Variants in VPS13B observed in about 807,000 individuals in gnomAD.
The protein encoded by VPS13B is intermembrane lipid transfer protein VPS13B.
VPS13B carries 285 observed loss-of-function variants against 426.4 expected under a neutral mutation model. The ratio of observed to expected loss-of-function variants is 0.67; its 90% CI spans 0.61 to 0.74. The LOEUF is 0.74. Among genes scored for constraint, VPS13B ranks in the 30% least tolerant of loss-of-function variants. The pLI is 0.00. For synonymous variants in VPS13B, 1,676 were observed against 1,676.4 expected (o/e 1.00, Z 0.01); for missense variants, 4,537 against 4,782.6 (o/e 0.95, Z 1.51).
chr8:99,472,999 A>T (rs1819492714), intron 24 of VPS13B, among the ~76,000 whole-genome samples: 1 of 152,066 alleles, frequency 6.6e-6, no homozygotes, highest in Non-Finnish European at 1.5e-5. Flanking sequence ...TATATCTTTT[A>T]AGAAAATTGA....
chr8:99,077,180 T>A (rs1845172943), intron 3 of VPS13B, among the ~76,000 whole-genome samples: 1 of 127,614 alleles, frequency 7.8e-6, no homozygotes, highest in African/African-American at 3.5e-5. Flanking sequence ...TGTTCTTTCA[T>A]TTTTTTTTTT....
intron 43 of VPS13B, among the ~76,000 whole-genome samples, chr8:99,785,342 C>T (rs1812207111): frequency 6.6e-6 from 1 of 152,122 alleles, no homozygotes. Flanking sequence ...TCTAGACCAG[C>T]ATCAGAATAC....
intron 19 of VPS13B, among the ~76,000 whole-genome samples, chr8:99,343,214 C>T (rs1262227503): frequency 1.3e-5 from 2 of 152,076 alleles, no homozygotes; most frequent in Non-Finnish European, 2.9e-5. Flanking sequence ...CTGCCTCAGC[C>T]TCCTGAGTAG....
chr8:99,640,025 T>TAAGAAGAAGAAGAAGAAGAAGAAGAAG (rs1200705406), intron 33 of VPS13B, among the ~76,000 whole-genome samples: 1 of 104,332 alleles, frequency 9.6e-6, no homozygotes, highest in African/African-American at 3.7e-5. Context: ...ATAATAATAA[T>TAAGAAGAAGAAGAAGAAGAAGAAGAAG]AAGAAGAAGA....
At chr8:99,020,379 A>T (rs1841826319) in intron 2 of VPS13B, among the ~76,000 whole-genome samples, 1 of 152,174 alleles carries the variant, frequency 6.6e-6, no homozygotes, top group South Asian at 2.1e-4. Flanking sequence ...TGTATTGTGG[A>T]TATCAATCCC....
At chr8:99,433,368 G>T (rs1017592763) in intron 22 of VPS13B, among the ~76,000 whole-genome samples, 4 of 152,160 alleles carry the variant, frequency 2.6e-5, no homozygotes, top group African/African-American at 9.7e-5. Flanking sequence ...TTAGAAGTGG[G>T]TAGACAGTAA....
rs763287127 is a variant in VPS13B at position 99,868,304 on chromosome 8, T to C, written c.11231T>C (p.Ile3744Thr). 8.1e-6 allele frequency: 13 copies of C among 1,614,182 alleles called. No homozygotes were observed. Among genetic ancestry groups the C allele is most frequent in the African/African-American group, 1.3e-5 (1 of 75,038 alleles). ...GTTATTCCAGGTGCAATTGCTGGTA[T>C]AGTTGATCAGCCGATGCAGAACTTC... is the stretch of plus-strand genomic sequence containing the variant. ...GISLLGAIAG[I>T]VDQPMQNFQK... The change falls in exon 59 of 62, where the codon ATA becomes ACA. Residue 3744 changes from isoleucine (I) to threonine (T), a missense_variant. Physicochemically the swap from Ile to Thr is moderately conservative, Grantham distance 89. Coordinates refer to ENST00000357162, the MANE Select transcript of VPS13B (RefSeq NM_152564.5).
At chr8:99,088,126 G>A (rs1434146426) in intron 3 of VPS13B, among the ~76,000 whole-genome samples, 1 of 150,236 alleles carries the variant, frequency 6.7e-6, no homozygotes, top group East Asian at 2.0e-4. Context: ...AGAGGTTGCA[G>A]TGAGCCGAGA....
At chr8:99,114,096 C>T (rs540779246) in intron 6 of VPS13B, among the ~76,000 whole-genome samples, 2 of 151,610 alleles carry the variant, frequency 1.3e-5, no homozygotes, top group East Asian at 3.9e-4. Flanking sequence ...GAACTTTGAC[C>T]ACATTTCCTG....
intron 16 of VPS13B, among the ~76,000 whole-genome samples, chr8:99,190,843 T>A (rs116765290): frequency 0.022 from 3,276 of 151,974 alleles, 103 homozygotes; most frequent in African/African-American, 0.071. Context: ...CTTTTTTTTT[T>A]AAAAAATTCA....
intron 3 of VPS13B, among the ~76,000 whole-genome samples, chr8:99,090,763 T>G (rs539260557): frequency 6.6e-6 from 1 of 152,350 alleles, no homozygotes; most frequent in East Asian, 1.9e-4. Context: ...AAAGTGCAGT[T>G]AAATTAATCT....
At chr8:99,471,482 C>G (rs1190930698) in intron 24 of VPS13B, among the ~76,000 whole-genome samples, 1 of 151,890 alleles carries the variant, frequency 6.6e-6, no homozygotes, top group Non-Finnish European at 1.5e-5. Context: ...GTTTTACTCT[C>G]TTAGGACAAC....
At chr8:99,755,842 C>T (rs1299806213) in intron 39 of VPS13B, among the ~76,000 whole-genome samples, 1 of 151,594 alleles carries the variant, frequency 6.6e-6, no homozygotes, top group South Asian at 2.1e-4. Flanking sequence ...TTTAAAGTTC[C>T]CTTTGTTTAT....
chr8:99,403,991 G>T (rs188243447), intron 21 of VPS13B, among the ~76,000 whole-genome samples: 1 of 152,242 alleles, frequency 6.6e-6, no homozygotes, highest in Non-Finnish European at 1.5e-5. Context: ...TTTAAACACA[G>T]GGTTTATTCA....
chr8:99,145,559 G>C (rs1450573412), intron 13 of VPS13B, among the ~76,000 whole-genome samples: 1 of 123,750 alleles, frequency 8.1e-6, no homozygotes, highest in Non-Finnish European at 1.8e-5. Flanking sequence ...TTAAATAAGT[G>C]AAATCATACA....
At chr8:99,559,626 G>A (rs1004160340) in intron 31 of VPS13B, among the ~76,000 whole-genome samples, 24 of 152,096 alleles carry the variant, frequency 1.6e-4, no homozygotes, top group Non-Finnish European at 3.2e-4. Context: ...TCTACATATG[G>A]CTAGCCAGTT....
intron 8 of VPS13B, among the ~76,000 whole-genome samples, chr8:99,123,332 G>C (rs1235396730): frequency 1.3e-5 from 2 of 152,016 alleles, no homozygotes; most frequent in Non-Finnish European, 2.9e-5. Flanking sequence ...AAATGTAAAG[G>C]CACCAGAGTT....
intron 21 of VPS13B, among the ~76,000 whole-genome samples, chr8:99,424,770 A>G (rs1816594041): frequency 6.6e-6 from 1 of 152,186 alleles, no homozygotes; most frequent in Non-Finnish European, 1.5e-5. Flanking sequence ...AAATCAATGA[A>G]TCCAGGAGCT....
chr8:99,215,131 A>C (rs1006656489), intron 17 of VPS13B, among the ~76,000 whole-genome samples: 1 of 152,204 alleles, frequency 6.6e-6, no homozygotes, highest in Non-Finnish European at 1.5e-5. Flanking sequence ...TACTTTGCAG[A>C]ATGTCTAAAG....
Sources: allele counts gnomAD v4.1 joint callset (sites outside exome capture counted in the v4.1 genomes callset), GRCh38; gene constraint gnomAD v4.1.1; transcripts MANE v1.5; gene names NCBI Gene and HGNC (gene_info 2026-07-23, HGNC 2026-07-21).